The following RNF2 variants were observed in gnomAD, a reference collection of about 807,000 sequenced individuals.
RNF2 encodes the protein E3 ubiquitin-protein ligase RING2.
A neutral mutation model predicts 37.2 loss-of-function variants in RNF2; 6 were observed. The observed-to-expected ratio is 0.16, with a 90% CI of 0.09 to 0.32. The LOEUF (loss-of-function observed/expected upper bound fraction) is 0.32, where lower values mean the gene tolerates loss of function less well. Ranked by LOEUF, RNF2 falls within the 10% of genes least tolerant of loss-of-function variation. RNF2 has a pLI of 1.00. For missense variants in RNF2, 251 were observed against 404.0 expected (o/e 0.62, Z 3.25); for synonymous variants, 133 against 132.7 (o/e 1.00, Z -0.02).
intron 5 of RNF2, among the ~76,000 whole-genome samples, chr1:185,098,680 T>C (rs1199386940): frequency 6.6e-6 from 1 of 152,182 alleles, no homozygotes; most frequent in East Asian, 1.9e-4. Context: ...TGCTTGCTGT[T>C]GAGTACAGAT....
intron 1 of RNF2, among the ~76,000 whole-genome samples, chr1:185,057,407 A>G (rs1423741195): frequency 6.6e-6 from 1 of 152,220 alleles, no homozygotes; most frequent in African/African-American, 2.4e-5. Context: ...TGTATGAACC[A>G]TAGTATATTT....
In RNF2 at chr1:185,077,625, G is replaced by GTTTTTTTTTTTTTTTTTTTT. The variant is rs528747420; in HGVS notation, c.-2-9914_-2-9913insTTTTTTTTTTTTTTTTTTTT. Among the ~76,000 whole-genome samples the GTTTTTTTTTTTTTTTTTTTT allele has an allele frequency of 1.6e-4, 19 of 115,668 alleles. 1 individual carries two copies. Among genetic ancestry groups the GTTTTTTTTTTTTTTTTTTTT allele is most frequent in the African/African-American group, 5.6e-4 (17 of 30,484 alleles). The allele number at this position is 115,668 out of a possible 152,430, so 75.9% of individuals were successfully genotyped here. On this transcript the variant is annotated intron_variant, in intron 1 of 6. Coordinates refer to ENST00000367510, the MANE Select transcript of RNF2 (RefSeq NM_007212.4). ...TTTTTAATTGTTAGGAATTAACTTT[G>GTTTTTTTTTTTTTTTTTTTT]TTTTTTTTTTTTTGGCTAGAAATTT... is the stretch of plus-strand genomic sequence containing the variant.
intron 1 of RNF2, among the ~76,000 whole-genome samples, chr1:185,069,083 T>G (rs1650887714): frequency 6.6e-6 from 1 of 152,206 alleles, no homozygotes; most frequent in South Asian, 2.1e-4. Flanking sequence ...GCTCCTAAAA[T>G]TTTACAACAT....
At chr1:185,048,650 T>C (rs1359587152) in intron 1 of RNF2, among the ~76,000 whole-genome samples, 4 of 152,204 alleles carry the variant, frequency 2.6e-5, no homozygotes, top group Non-Finnish European at 4.4e-5. Context: ...TCAAAAGATA[T>C]GTTACTTACG....
At chr1:185,071,211 G>T (rs757075058) in intron 1 of RNF2, among the ~76,000 whole-genome samples, 3 of 152,088 alleles carry the variant, frequency 2.0e-5, no homozygotes, top group Non-Finnish European at 2.9e-5. Flanking sequence ...TTCATCTCAG[G>T]GTAGGCCAAG....
intron 1 of RNF2, among the ~76,000 whole-genome samples, chr1:185,060,913 G>A (rs1409890172): frequency 6.6e-6 from 1 of 152,122 alleles, no homozygotes; most frequent in Non-Finnish European, 1.5e-5. Context: ...GAGGCCAGGA[G>A]TTCAATACCA....
chr1:185,090,226 G>A (rs1422428312), intron 2 of RNF2, among the ~76,000 whole-genome samples: 1 of 152,130 alleles, frequency 6.6e-6, no homozygotes, highest in African/African-American at 2.4e-5. Flanking sequence ...GGCCGAGGCT[G>A]GTGAAATTTT....
intron 1 of RNF2, among the ~76,000 whole-genome samples, chr1:185,083,933 TTTCCTTAAA>T (rs1476133074): frequency 6.9e-6 from 1 of 145,736 alleles, no homozygotes; most frequent in Non-Finnish European, 1.5e-5. Flanking sequence ...TTTTAAGTCT[TTTCCTTAAA>T]AAAAAAAAAA....
intron 2 of RNF2, among the ~76,000 whole-genome samples, chr1:185,087,957 C>T (rs1651651672): frequency 6.6e-6 from 1 of 152,116 alleles, no homozygotes. Flanking sequence ...TGGGCAAGTC[C>T]TCCTTGCTGT....
In RNF2 at chr1:185,054,835, C is replaced by T. The variant is rs146305337; in HGVS notation, c.-3+9186C>T. Among the ~76,000 whole-genome samples the T allele has an allele frequency of 4.6e-3, 699 of 152,204 alleles. 3 individuals are homozygous for T. Among genetic ancestry groups the T allele is most frequent in the Middle Eastern group, 0.014 (4 of 294 alleles). ...ACCTCAGTTTCCTGAGTAGCTGGGA[C>T]CACAGGCGGGCGCCGCCACGCCCGG... On this transcript the variant is annotated intron_variant, in intron 1 of 6. Coordinates refer to ENST00000367510, the MANE Select transcript of RNF2 (RefSeq NM_007212.4).
intron 1 of RNF2, among the ~76,000 whole-genome samples, chr1:185,063,711 C>T (rs1385809457): frequency 1.3e-5 from 2 of 152,172 alleles, no homozygotes; most frequent in Non-Finnish European, 1.5e-5. Flanking sequence ...AGGTCTGTGA[C>T]GTTTCTGGAG....
chr1:185,059,443 C>A (rs867023053), intron 1 of RNF2, among the ~76,000 whole-genome samples: 18 of 152,122 alleles, frequency 1.2e-4, no homozygotes, highest in African/African-American at 4.1e-4. Context: ...GTCCATATCA[C>A]CTTCTAGAAC....
intron 1 of RNF2, among the ~76,000 whole-genome samples, chr1:185,053,945 C>T (rs148966197): frequency 6.6e-6 from 1 of 152,058 alleles, no homozygotes; most frequent in Non-Finnish European, 1.5e-5. Flanking sequence ...GTTAGTAACC[C>T]GGATTGAATG....
chr1:185,098,028 G>T, intron 4 of RNF2, 44 bp from the exon 5 acceptor site: 3 of 1,597,446 alleles, frequency 1.9e-6, no homozygotes, highest in Non-Finnish European at 2.6e-6. Context: ...TGCTTTAAAG[G>T]CCTAAAAGTA....
chr1:185,075,194 G>A (rs926353122), intron 1 of RNF2, among the ~76,000 whole-genome samples: 4 of 151,874 alleles, frequency 2.6e-5, no homozygotes, highest in Non-Finnish European at 5.9e-5. Context: ...GGTTTTCGCC[G>A]TGTTGGCCAG....
chr1:185,061,271 G>A (rs1650593815), intron 1 of RNF2, among the ~76,000 whole-genome samples: 1 of 151,848 alleles, frequency 6.6e-6, no homozygotes, highest in African/African-American at 2.4e-5. Flanking sequence ...GGGACTACAG[G>A]CGCCCGCCAC....
At chr1:185,092,586 A>G (rs1651800493) in intron 3 of RNF2, among the ~76,000 whole-genome samples, 1 of 152,156 alleles carries the variant, frequency 6.6e-6, no homozygotes, top group African/African-American at 2.4e-5. Context: ...TAGACACTTC[A>G]TAAGATGAGT....
chr1:185,100,083 A>G, intron 6 of RNF2, 117 bp from the exon 7 acceptor site: 1 of 1,196,382 alleles, frequency 8.4e-7, no homozygotes, highest in South Asian at 1.5e-5. Context: ...TTAAGTGACA[A>G]GTAGTTATTC....
chr1:185,075,497 C>T lies in RNF2; in HGVS notation c.-2-12055C>T, dbSNP rs543164893. On this transcript the variant is annotated intron_variant, in intron 1 of 6. Coordinates refer to ENST00000367510, the MANE Select transcript of RNF2 (RefSeq NM_007212.4). The stretch of plus-strand genomic sequence containing the variant: ...TTTAAACACTAGTGTTCTTGCATTG[C>T]TGTGTAACTCCCTGAGACCGGATAA... Among the ~76,000 whole-genome samples the T allele has an allele frequency of 5.3e-5, 8 of 152,290 alleles. No individual in the cohort carries two copies. In the East Asian group the frequency reaches 1.5e-3, roughly 29 times the overall value.
Sources: gnomAD v4.1 joint callset for allele counts (sites outside exome capture counted in the v4.1 genomes callset) on GRCh38, gnomAD v4.1.1 for gene constraint, MANE v1.5 for transcripts, NCBI Gene and HGNC (gene_info 2026-07-23, HGNC 2026-07-21) for gene names.